Variants in SS18 observed in about 807,000 individuals in gnomAD.
SS18 encodes the protein protein SSXT.
SS18 carries 28 observed loss-of-function variants against 72.5 expected under a neutral mutation model. That is an observed-to-expected ratio of 0.39 (90% CI 0.29 to 0.53). The LOEUF (loss-of-function observed/expected upper bound fraction) is 0.53. Among genes scored for constraint, SS18 ranks in the 20% least tolerant of loss-of-function variants. The probability of loss-of-function intolerance (pLI) is 0.76; values close to 1 mark genes in which losing one functional copy is unlikely to be tolerated. For synonymous variants in SS18, 172 were observed against 164.2 expected, an observed-to-expected ratio of 1.05 and a Z score of -0.37; for missense variants, 518 against 535.3, an observed-to-expected ratio of 0.97 and a Z score of 0.32.
chr18:26,077,614 G>A (rs1818004658), intron 3 of SS18, among the ~76,000 whole-genome samples: 1 of 152,088 alleles, frequency 6.6e-6, no homozygotes, highest in South Asian at 2.1e-4. Context: ...AAGATCACGT[G>A]TAAAACATTT....
intron 5 of SS18, among the ~76,000 whole-genome samples, chr18:26,046,829 AG>A (rs2053832171): frequency 6.6e-6 from 1 of 152,248 alleles, no homozygotes; most frequent in Non-Finnish European, 1.5e-5. Flanking sequence ...ACAGATGCAC[AG>A]TGACCAATCA....
At position 26,027,514 on chromosome 18, in the gene SS18, T is replaced by TA. The variant is rs566169828; in HGVS notation, c.1230+4884dup. Among the ~76,000 whole-genome samples the TA allele has an allele frequency of 4.1e-3, 615 of 151,106 alleles. 5 individuals carry two copies. Among genetic ancestry groups the TA allele is most frequent in the African/African-American group, 0.014 (596 of 41,292 alleles). ...ATACAAATAAAAATAAATAAATAAATAATTAAAATTAGCTGGGCATGGTAG... is the reference window on the plus strand; with the variant it reads ...ATACAAATAAAAATAAATAAATAAATAAATTAAAATTAGCTGGGCATGGTAG... On this transcript the variant is annotated intron_variant, in intron 10 of 10. Coordinates refer to ENST00000415083, the MANE Select transcript of SS18 (RefSeq NM_001007559.3).
At chr18:26,039,146 T>G (rs1164529265) in intron 6 of SS18, 143 bp downstream of exon 6, 1 of 667,760 alleles carries the variant, frequency 1.5e-6, no homozygotes, top group East Asian at 2.8e-5. Flanking sequence ...CCCTTTGTAC[T>G]TACTAGAACC....
chr18:26,031,615 T>C (rs2053543255), intron 10 of SS18, among the ~76,000 whole-genome samples: 1 of 152,140 alleles, frequency 6.6e-6, no homozygotes, highest in African/African-American at 2.4e-5. Context: ...ACGATGACTG[T>C]GGTACAAGTC....
chr18:26,019,642 C>G (rs1207052226), intron 10 of SS18, among the ~76,000 whole-genome samples: 1 of 151,890 alleles, frequency 6.6e-6, no homozygotes, highest in Non-Finnish European at 1.5e-5. Flanking sequence ...GAAACCCCGT[C>G]TTTACTAAAA....
intron 5 of SS18, among the ~76,000 whole-genome samples, chr18:26,050,064 T>C (rs1294907502): frequency 6.6e-6 from 1 of 152,094 alleles, no homozygotes; most frequent in Non-Finnish European, 1.5e-5. Context: ...CTGGCCAACA[T>C]GTCTCTACTA....
intron 3 of SS18, among the ~76,000 whole-genome samples, chr18:26,072,541 G>A (rs888199185): frequency 2.0e-5 from 3 of 151,804 alleles, no homozygotes; most frequent in African/African-American, 4.8e-5. Context: ...TGTTGCAGGC[G>A]GCGCGCAGCA....
intron 3 of SS18, among the ~76,000 whole-genome samples, chr18:26,069,648 T>C (rs1422617778): frequency 2.0e-5 from 3 of 152,284 alleles, no homozygotes; most frequent in Admixed American, 1.3e-4. Context: ...CTAGACTATA[T>C]GATTATCTAG....
At chr18:26,084,258 G>A (rs1487244084) in intron 2 of SS18, 1 of 152,122 alleles carries the variant, frequency 6.6e-6, no homozygotes, top group African/African-American at 2.4e-5. Flanking sequence ...TCCATTTAGA[G>A]ATAAATAAGT....
At chr18:26,045,531 T>C (rs1162191156) in intron 5 of SS18, among the ~76,000 whole-genome samples, 1 of 152,220 alleles carries the variant, frequency 6.6e-6, no homozygotes, top group East Asian at 1.9e-4. Context: ...TTTTTCCTTT[T>C]ACTTTGCATA....
intron 9 of SS18, among the ~76,000 whole-genome samples, chr18:26,033,867 A>G (rs2053585307): frequency 6.6e-6 from 1 of 152,174 alleles, no homozygotes; most frequent in South Asian, 2.1e-4. Flanking sequence ...TCTTAAGTCA[A>G]TGAATTTACC....
At chr18:26,077,075 T>C (rs927419466) in intron 3 of SS18, among the ~76,000 whole-genome samples, 1 of 152,038 alleles carries the variant, frequency 6.6e-6, no homozygotes, top group African/African-American at 2.4e-5. Context: ...AATTCACCAT[T>C]CTGTGATCCC....
chr18:26,030,154 T>C (rs2053519554), intron 10 of SS18, among the ~76,000 whole-genome samples: 1 of 152,218 alleles, frequency 6.6e-6, no homozygotes, highest in African/African-American at 2.4e-5. Flanking sequence ...AGGATAAAGT[T>C]CAAGTCCCCT....
At position 26,090,522 on chromosome 18, in the gene SS18, G is replaced by A. The variant is rs2054705775; in HGVS notation, c.48C>T (p.Ile16=). 2.5e-6 allele frequency: 4 copies of A among 1,585,256 alleles called. No homozygotes were observed. Among genetic ancestry groups the A allele is most frequent in the African/African-American group, 2.7e-5 (2 of 74,014 alleles). Residue 16 remains isoleucine (I), a synonymous_variant, in exon 1 of 11, where the codon ATC becomes ATT. Transcript: ENST00000415083. The part of the protein sequence containing the change: ...AAPRQRGKGE[I]TPAAIQKMLD... ...TCACCTTCTGAATCGCAGCGGGAGTGATCTCCCCCTTGCCTCGCTGCCTCG... is the reference window on the plus strand; with the variant it reads ...TCACCTTCTGAATCGCAGCGGGAGTAATCTCCCCCTTGCCTCGCTGCCTCG...
intron 3 of SS18, among the ~76,000 whole-genome samples, chr18:26,066,599 T>TGC (rs202179450): frequency 0.012 from 1,459 of 124,514 alleles, 27 homozygotes; most frequent in African/African-American, 0.055. Context: ...TGGAAATTTG[T>TGC]GCACACACAC....
chr18:26,088,255 G>A (rs1214791152), intron 1 of SS18, among the ~76,000 whole-genome samples: 1 of 152,168 alleles, frequency 6.6e-6, no homozygotes, highest in Non-Finnish European at 1.5e-5. Flanking sequence ...AAAGTTAAGA[G>A]TCCGAGTTGG....
rs2053266141 is a variant in SS18, at chr18:26,017,295, A to G, written c.*1059T>C. On this transcript the variant is annotated 3_prime_UTR_variant, in exon 11 of 11. Transcript: ENST00000415083. ...ACATAAAAGTGTCCCTTTATAAATG[A>G]TATTATTTCCAGATAAGAAAGTTGA... 5.2e-6 allele frequency: 1 copy of G among 194,072 alleles called. No individual in the cohort carries two copies. The highest frequency in any genetic ancestry group is 1.1e-5 in the Non-Finnish European group (1 of 93,194). The allele number at this position is 194,072 out of a possible 1,614,324, so 12.0% of individuals were successfully genotyped here.
chr18:26,052,909 C>G, intron 4 of SS18, 64 bp from the exon 5 acceptor site: 1 of 1,402,826 alleles, frequency 7.1e-7, no homozygotes, highest in Non-Finnish European at 9.9e-7. Flanking sequence ...ACAAAAGTAC[C>G]TGGAAATAAT....
chr18:26,090,167 C>G (rs1249849250), intron 1 of SS18: 15 of 319,206 alleles, frequency 4.7e-5, no homozygotes, highest in Non-Finnish European at 7.4e-5. Flanking sequence ...GCCGCCGGTC[C>G]GACACACGCC....
Sources: allele counts gnomAD v4.1 joint callset (sites outside exome capture counted in the v4.1 genomes callset), GRCh38; gene constraint gnomAD v4.1.1; transcripts MANE v1.5; gene names NCBI Gene and HGNC (gene_info 2026-07-23, HGNC 2026-07-21).